KLHL6: variants seen among roughly 807,000 people sequenced by gnomAD.
KLHL6 encodes kelch-like protein 6.
Under a neutral mutation model 58.6 loss-of-function variants are expected in KLHL6, and 41 were observed. That is an observed-to-expected ratio of 0.70 (90% CI 0.55 to 0.91). KLHL6 has a LOEUF of 0.91. Among genes scored for constraint, KLHL6 ranks in the 40% least tolerant of loss-of-function variants. KLHL6 has a pLI of 0.00. For missense variants in KLHL6, 714 were observed against 805.6 expected (o/e 0.89, Z 1.38); for synonymous variants, 338 against 322.7 (o/e 1.05, Z -0.51).
At chr3:183,535,704 G>A (rs1322938415) in intron 1 of KLHL6, among the ~76,000 whole-genome samples, 1 of 152,206 alleles carries the variant, frequency 6.6e-6, no homozygotes, top group Non-Finnish European at 1.5e-5. Flanking sequence ...AAGTCAATGT[G>A]TTTCCCATGT....
intron 5 of KLHL6, chr3:183,493,373 T>C (rs1717626941): frequency 6.5e-6 from 1 of 154,914 alleles, no homozygotes. Flanking sequence ...GCTCTCAATA[T>C]AGCACTTTTC....
rs547645738 is a variant in KLHL6, at chr3:183,555,654, C to T, written c.-1G>A. 5 of 1,582,554 alleles carry T rather than the reference C, an allele frequency of 3.2e-6. No homozygotes were observed. The highest frequency in any genetic ancestry group is 3.4e-6 in the Non-Finnish European group (4 of 1,166,124). ...CGCCCCTTTGTCCTGCCATCAACATCGAGACTGAAGGAGCGCCCAAGTGTC... is the reference window on the plus strand; with the variant it reads ...CGCCCCTTTGTCCTGCCATCAACATTGAGACTGAAGGAGCGCCCAAGTGTC... On this transcript the variant is annotated 5_prime_UTR_variant, in exon 1 of 7. Coordinates refer to ENST00000341319, the MANE Select transcript of KLHL6 (RefSeq NM_130446.4).
At chr3:183,495,152 G>C (rs1717680880) in intron 4 of KLHL6, among the ~76,000 whole-genome samples, 1 of 152,142 alleles carries the variant, frequency 6.6e-6, no homozygotes, top group African/African-American at 2.4e-5. Context: ...TCTGTGTCAG[G>C]GGTGTTTCTC....
intron 1 of KLHL6, among the ~76,000 whole-genome samples, chr3:183,554,825 T>C (rs1713050736): frequency 1.3e-5 from 2 of 152,226 alleles, no homozygotes. Context: ...GCATTGCTTT[T>C]AAATGATGCC....
intron 3 of KLHL6, among the ~76,000 whole-genome samples, chr3:183,503,174 C>T (rs1470344524): frequency 2.0e-5 from 3 of 152,250 alleles, no homozygotes; most frequent in Non-Finnish European, 4.4e-5. Context: ...TTAATGACTG[C>T]TCACTGTCCA....
chr3:183,504,761 G>A (rs940413437), intron 3 of KLHL6, among the ~76,000 whole-genome samples: 1 of 152,118 alleles, frequency 6.6e-6, no homozygotes, highest in African/African-American at 2.4e-5. Context: ...TGTGTGTTGT[G>A]GGGGTTTGGT....
At chr3:183,554,941 G>T (rs1279078643) in intron 1 of KLHL6, among the ~76,000 whole-genome samples, 1 of 152,112 alleles carries the variant, frequency 6.6e-6, no homozygotes, top group Non-Finnish European at 1.5e-5. Context: ...GAGGCGGGTG[G>T]ATCACCTGAG....
At chr3:183,509,588 TTCTTCACGGGGC>T (rs1399372458) in intron 2 of KLHL6, among the ~76,000 whole-genome samples, 4 of 152,220 alleles carry the variant, frequency 2.6e-5, no homozygotes, top group African/African-American at 9.6e-5. Flanking sequence ...CCACTATGTG[TTCTTCACGGGGC>T]TCTTCATTCC....
intron 1 of KLHL6, among the ~76,000 whole-genome samples, chr3:183,542,308 AT>A (rs1273123452): frequency 6.6e-6 from 1 of 152,108 alleles, no homozygotes; most frequent in Non-Finnish European, 1.5e-5. Context: ...TCTGTAAGTC[AT>A]GTTTCAAACT....
At chr3:183,525,269 A>AACACACACACACACACACACACAC (rs1553811030) in intron 2 of KLHL6, among the ~76,000 whole-genome samples, 42 of 133,854 alleles carry the variant, frequency 3.1e-4, no homozygotes, top group African/African-American at 6.9e-4. Flanking sequence ...CTAAAAAAAA[A>AACACACACACACACACACACACAC]ACACACACAC....
chr3:183,539,746 G>C (rs1336590991), intron 1 of KLHL6, among the ~76,000 whole-genome samples: 9 of 150,942 alleles, frequency 6.0e-5, no homozygotes, highest in African/African-American at 1.5e-4. Context: ...CTTCTGCCAA[G>C]CTTCTTGCCC....
At chr3:183,545,640 C>T (rs1440880572) in intron 1 of KLHL6, among the ~76,000 whole-genome samples, 1 of 152,132 alleles carries the variant, frequency 6.6e-6, no homozygotes. Flanking sequence ...CTTGAAAAAT[C>T]AAAGGACCTA....
chr3:183,528,436 T>C (rs1712051736), intron 1 of KLHL6, among the ~76,000 whole-genome samples: 2 of 152,240 alleles, frequency 1.3e-5, no homozygotes, highest in African/African-American at 4.8e-5. Flanking sequence ...GAGGCCCAGA[T>C]ACCTGCCAGA....
intron 4 of KLHL6, among the ~76,000 whole-genome samples, chr3:183,496,603 T>C (rs1327740094): frequency 6.6e-6 from 1 of 152,216 alleles, no homozygotes; most frequent in Non-Finnish European, 1.5e-5. Context: ...GACTGCCATA[T>C]AGCTGGTAAA....
At chr3:183,502,253 C>T (rs6771268) in intron 3 of KLHL6, among the ~76,000 whole-genome samples, 31 of 150,988 alleles carry the variant, frequency 2.1e-4, no homozygotes, top group African/African-American at 7.3e-4. Flanking sequence ...AGTGAGCCAA[C>T]GTCGCAGCAT....
chr3:183,494,391 C>T, intron 4 of KLHL6, 110 bp from the exon 5 acceptor site: 1 of 845,368 alleles, frequency 1.2e-6, no homozygotes, highest in South Asian at 1.5e-5. Context: ...CAGCCCTACC[C>T]TGAGGGGAGA....
chr3:183,492,309 G>T lies in KLHL6; in HGVS notation c.1565-81C>A. The T allele has an allele frequency of 7.2e-7, 1 of 1,386,522 alleles. No homozygotes were observed. Among genetic ancestry groups the T allele is most frequent in the Non-Finnish European group, 9.7e-7 (1 of 1,027,176 alleles). 85.9% of individuals were successfully genotyped at this position (1,386,522 alleles called of 1,614,324 possible). ...TCTTAACCACTAAAATTCAACTTCT[G>T]ATTAGGCCAAGTCTACCCTCTTGCC... On this transcript the variant is annotated intron_variant, in intron 6 of 6. Coordinates refer to ENST00000341319, the MANE Select transcript of KLHL6 (RefSeq NM_130446.4). The surrounding 1 kb of genome is among the most constrained non-coding windows in gnomAD (Gnocchi z 5.9).
intron 3 of KLHL6, among the ~76,000 whole-genome samples, chr3:183,504,793 G>A (rs555952780): frequency 7.4e-4 from 113 of 152,198 alleles, no homozygotes; most frequent in Non-Finnish European, 1.3e-3. Context: ...TTCATCATCC[G>A]TATGATGAAA....
At chr3:183,537,269 C>A (rs911807867) in intron 1 of KLHL6, among the ~76,000 whole-genome samples, 5 of 152,136 alleles carry the variant, frequency 3.3e-5, no homozygotes, top group Non-Finnish European at 5.9e-5. Context: ...AGGAGCTCAG[C>A]AGTGCACGAA....
Sources: allele counts gnomAD v4.1 joint callset (sites outside exome capture counted in the v4.1 genomes callset), GRCh38; gene constraint gnomAD v4.1.1; non-coding constraint Gnocchi (gnomAD v3.1); transcripts MANE v1.5; gene names NCBI Gene and HGNC (gene_info 2026-07-23, HGNC 2026-07-21).